The following LRMDA variants were observed in gnomAD, a reference collection of about 807,000 sequenced individuals.
The protein encoded by LRMDA is leucine-rich melanocyte differentiation-associated protein.
In LRMDA, 18 loss-of-function variants were observed where a neutral mutation model predicts 29.8. The ratio of observed to expected loss-of-function variants is 0.60; its 90% CI spans 0.42 to 0.90. The LOEUF (loss-of-function observed/expected upper bound fraction) is 0.90. Among genes scored for constraint, LRMDA ranks in the 40% least tolerant of loss-of-function variants. The probability of loss-of-function intolerance (pLI) is 0.00; values close to 1 mark genes in which losing one functional copy is unlikely to be tolerated. For missense variants in LRMDA, 273 were observed against 273.9 expected (o/e 1.00, Z 0.02); for synonymous variants, 125 against 109.4 (o/e 1.14, Z -0.89).
At chr10:76,405,812 G>A (rs1589168882) in intron 6 of LRMDA, among the ~76,000 whole-genome samples, 1 of 152,138 alleles carries the variant, frequency 6.6e-6, no homozygotes, top group African/African-American at 2.4e-5. Flanking sequence ...CTCAGCCCCC[G>A]TGCGTTCCTT....
At chr10:75,823,685 AGTGTGTGTGTGTGTGTGTGT>A (rs141426887) in intron 2 of LRMDA, among the ~76,000 whole-genome samples, 3 of 144,064 alleles carry the variant, frequency 2.1e-5, no homozygotes, top group African/African-American at 5.3e-5. Flanking sequence ...ATTAAAATGT[AGTGTGTGTGTGTGTGTGTGT>A]GTGTGTGTGT....
Position 76,186,250 on chromosome 10 carries a change from G to T in LRMDA, c.516+127467G>T, listed in dbSNP as rs183312129. On this transcript the variant is annotated intron_variant, in intron 5 of 6. Transcript: ENST00000611255. ...GCGGCCTGGAAGGCAGAAATTCTCT[G>T]TTTAGCCTCGGAGCCCCAAGAAACT... is the stretch of plus-strand genomic sequence containing the variant. 3.3e-5 allele frequency among the ~76,000 whole-genome samples: 5 copies of T among 152,308 alleles called. No homozygotes were observed. In the East Asian group the frequency reaches 9.7e-4, roughly 29 times the overall value.
rs527658420 is a variant in LRMDA at position 75,448,618 on chromosome 10, G to A, written c.131+10124G>A. 4.6e-4 allele frequency among the ~76,000 whole-genome samples: 70 copies of A among 152,326 alleles called. No individual in the cohort carries two copies. The South Asian group carries it at 0.014, about 31-fold the overall frequency. On this transcript the variant is annotated intron_variant, in intron 2 of 6. Coordinates refer to ENST00000611255, the MANE Select transcript of LRMDA (RefSeq NM_001305581.2). ...GGCTCTATTAGCATTTAGTGGGTGA[G>A]GCCAGGGATGGCAAATGTTGTCAGG...
At chr10:76,234,477 C>G (rs1057316629) in intron 5 of LRMDA, among the ~76,000 whole-genome samples, 8 of 152,156 alleles carry the variant, frequency 5.3e-5, no homozygotes, top group African/African-American at 1.9e-4. Context: ...TAGCTCTTAT[C>G]AAGAGAGTCA....
intron 2 of LRMDA, among the ~76,000 whole-genome samples, chr10:75,481,502 A>G (rs1156240170): frequency 5.3e-5 from 8 of 152,184 alleles, no homozygotes; most frequent in Non-Finnish European, 1.0e-4. Context: ...TGTCCACATA[A>G]TGTCCTCTAA....
At chr10:76,080,106 C>G (rs999903878) in intron 5 of LRMDA, among the ~76,000 whole-genome samples, 1 of 152,038 alleles carries the variant, frequency 6.6e-6, no homozygotes, top group African/African-American at 2.4e-5. Context: ...CATTATTGTT[C>G]GCCCAATCTC....
intron 5 of LRMDA, among the ~76,000 whole-genome samples, chr10:76,112,891 GA>G (rs1435158807): frequency 6.6e-6 from 1 of 152,134 alleles, no homozygotes; most frequent in Non-Finnish European, 1.5e-5. Flanking sequence ...ATCTGTGTTT[GA>G]AAAAGGATTA....
intron 5 of LRMDA, among the ~76,000 whole-genome samples, chr10:76,289,838 A>G (rs1328674230): frequency 6.6e-6 from 1 of 152,154 alleles, no homozygotes; most frequent in Non-Finnish European, 1.5e-5. Context: ...TATTGACTTC[A>G]TGTCTTTAGG....
intron 5 of LRMDA, among the ~76,000 whole-genome samples, chr10:76,248,507 G>A (rs1299883737): frequency 6.6e-6 from 1 of 152,156 alleles, no homozygotes; most frequent in Non-Finnish European, 1.5e-5. Flanking sequence ...TTTAGGGTTG[G>A]ATAAAGATGA....
chr10:75,765,214 CTTT>C (rs75491344), intron 2 of LRMDA, among the ~76,000 whole-genome samples: 2 of 145,390 alleles, frequency 1.4e-5, no homozygotes, highest in Admixed American at 6.8e-5. Context: ...TGTTAGGTGT[CTTT>C]TTTTTTTTTC....
intron 2 of LRMDA, among the ~76,000 whole-genome samples, chr10:75,624,447 A>G (rs1490198779): frequency 2.0e-5 from 3 of 152,220 alleles, no homozygotes; most frequent in Admixed American, 2.0e-4. Context: ...AGGCAGATAT[A>G]TGTGTGTTAC....
chr10:76,332,711 C>A (rs1489117459), intron 6 of LRMDA, among the ~76,000 whole-genome samples: 5 of 152,216 alleles, frequency 3.3e-5, no homozygotes, highest in Non-Finnish European at 2.9e-5. Context: ...TTTCTTGCCC[C>A]TTTTTATAAA....
In LRMDA at chr10:76,498,793, A is replaced by G. The variant is rs1021026088; in HGVS notation, c.602-58416A>G. ...TTTGCCTTTGTTTTCTAGCATCTTC[A>G]TCGGTGCTTGCAACTGAAATGGGTC... is the stretch of plus-strand genomic sequence containing the variant. On this transcript the variant is annotated intron_variant, in intron 6 of 6. Coordinates refer to ENST00000611255, the MANE Select transcript of LRMDA (RefSeq NM_001305581.2). 1.6e-4 allele frequency among the ~76,000 whole-genome samples: 12 copies of G among 76,070 alleles called. 3 individuals carry two copies. Among genetic ancestry groups the G allele is most frequent in the African/African-American group, 3.8e-4 (12 of 31,236 alleles). The allele number at this position is 76,070 out of a possible 152,430, so 49.9% of individuals were successfully genotyped here.
intron 2 of LRMDA, among the ~76,000 whole-genome samples, chr10:75,668,842 T>A (rs1564535383): frequency 2.0e-5 from 3 of 152,264 alleles, no homozygotes; most frequent in South Asian, 2.1e-4. Flanking sequence ...TGGAAATTGC[T>A]GCTTTGCTAA....
At chr10:75,432,557 T>TCTCTG (rs1414245157) in intron 1 of LRMDA, among the ~76,000 whole-genome samples, 4 of 152,192 alleles carry the variant, frequency 2.6e-5, no homozygotes, top group Non-Finnish European at 5.9e-5. Context: ...TTTAACCTCT[T>TCTCTG]CTCTGCTCTG....
intron 2 of LRMDA, among the ~76,000 whole-genome samples, chr10:75,806,827 A>C (rs1487689222): frequency 1.3e-5 from 2 of 150,542 alleles, no homozygotes; most frequent in East Asian, 3.9e-4. Context: ...AAAAAAAAAA[A>C]CCACACACAA....
chr10:76,440,318 C>T (rs1437952151), intron 6 of LRMDA, among the ~76,000 whole-genome samples: 2 of 152,158 alleles, frequency 1.3e-5, no homozygotes, highest in Non-Finnish European at 2.9e-5. Context: ...TAAACAATCA[C>T]AATGCACATA....
At chr10:75,765,348 T>C (rs1843149885) in intron 2 of LRMDA, among the ~76,000 whole-genome samples, 1 of 152,136 alleles carries the variant, frequency 6.6e-6, no homozygotes, top group Non-Finnish European at 1.5e-5. Flanking sequence ...TTGAGAGTGC[T>C]CAGGGTTTCT....
At chr10:76,459,297 A>G (rs1260127095) in intron 6 of LRMDA, among the ~76,000 whole-genome samples, 1 of 152,136 alleles carries the variant, frequency 6.6e-6, no homozygotes, top group African/African-American at 2.4e-5. Flanking sequence ...CCAGAGATTG[A>G]TAGCCTGTTA....
Sources: gnomAD v4.1 joint callset for allele counts (sites outside exome capture counted in the v4.1 genomes callset) on GRCh38, gnomAD v4.1.1 for gene constraint, MANE v1.5 for transcripts, NCBI Gene and HGNC (gene_info 2026-07-23, HGNC 2026-07-21) for gene names.